The following GABRA2 variants were observed in gnomAD, a reference collection of about 807,000 sequenced individuals.
The protein encoded by GABRA2 is gamma-aminobutyric acid type A receptor subunit alpha2.
A neutral mutation model predicts 48.7 loss-of-function variants in GABRA2; 16 were observed. The ratio of observed to expected loss-of-function variants is 0.33; its 90% CI spans 0.22 to 0.50. The LOEUF (loss-of-function observed/expected upper bound fraction) is 0.50. GABRA2 is among the 20% of genes least tolerant of loss of function. The pLI is 0.98. For synonymous variants in GABRA2, 185 were observed against 184.5 expected, an observed-to-expected ratio of 1.00 and a Z score of -0.02; for missense variants, 275 against 535.6, an observed-to-expected ratio of 0.51 and a Z score of 4.80.
intron 3 of GABRA2, among the ~76,000 whole-genome samples, chr4:46,337,490 A>G (rs1489640361): frequency 6.6e-6 from 1 of 152,146 alleles, no homozygotes; most frequent in East Asian, 1.9e-4. Context: ...CTTTATATAC[A>G]TGGCAGCAGG....
Position 46,244,876 on chromosome 4 carries a change from T to C in GABRA2, c.*5432A>G, listed in dbSNP as rs1050220146. On this transcript the variant is annotated 3_prime_UTR_variant, in exon 10 of 10. Transcript: ENST00000381620. Reference sequence around the variant, plus strand: ...GGTATTGCTTACTGTACAGTACAGTTTTATTGTTGAGTGTTTGCTTTTTAC... The same window carrying C: ...GGTATTGCTTACTGTACAGTACAGTCTTATTGTTGAGTGTTTGCTTTTTAC... Among the ~76,000 whole-genome samples, 1 of 151,276 alleles carries C rather than the reference T, an allele frequency of 6.6e-6. No homozygotes were observed. The highest frequency in any genetic ancestry group is 6.6e-5 in the Admixed American group (1 of 15,126).
At chr4:46,325,412 T>C (rs1730186622) in intron 4 of GABRA2, among the ~76,000 whole-genome samples, 1 of 152,100 alleles carries the variant, frequency 6.6e-6, no homozygotes, top group South Asian at 2.1e-4. Flanking sequence ...ATGTCCTTTT[T>C]CCATGTTTTA....
At chr4:46,292,981 G>A (rs1238126193) in intron 8 of GABRA2, among the ~76,000 whole-genome samples, 1 of 152,138 alleles carries the variant, frequency 6.6e-6, no homozygotes, top group Non-Finnish European at 1.5e-5. Flanking sequence ...GTTGGCAGGG[G>A]TAAAGTAGTG....
In GABRA2 at chr4:46,328,295, T is replaced by TGC. The variant is rs35258090; in HGVS notation, c.255+4318_255+4319dup. ...GAGTGTGTGTGTGTGTGTGTGTGTG[T>TGC]GCGCACACGCATGTGTGTGTGTGTT... On this transcript the variant is annotated intron_variant, in intron 4 of 9. Coordinates refer to ENST00000381620, the MANE Select transcript of GABRA2 (RefSeq NM_000807.4). Among the ~76,000 whole-genome samples, 962 of 140,176 alleles carry TGC rather than the reference T, an allele frequency of 6.9e-3. 9 individuals are homozygous for TGC. Among genetic ancestry groups the TGC allele is most frequent in the African/African-American group, 0.019 (616 of 32,292 alleles). The allele number at this position is 140,176 out of a possible 152,430, so 92.0% of individuals were successfully genotyped here. A position where few individuals can be genotyped will look rare whatever the true frequency, so the allele number is the denominator to read the frequency against.
chr4:46,370,777 T>C (rs1389035104), intron 3 of GABRA2, among the ~76,000 whole-genome samples: 3 of 152,126 alleles, frequency 2.0e-5, no homozygotes, highest in African/African-American at 7.2e-5. Context: ...TTTGCAGCCT[T>C]ATTCTGCTAG....
At chr4:46,276,156 C>A (rs550773805) in intron 8 of GABRA2, among the ~76,000 whole-genome samples, 73 of 152,132 alleles carry the variant, frequency 4.8e-4, no homozygotes, top group African/African-American at 1.7e-3. Flanking sequence ...AAACATGCTT[C>A]ATATATTCAA....
Position 46,337,207 on chromosome 4 carries a change from A to G in GABRA2, c.188-4525T>C, listed in dbSNP as rs1316039174. ...GCTGCAACCAAACCAAAAAGACAGT[A>G]TCTCAATGCCCATAGAAGCATATTG... On this transcript the variant is annotated intron_variant, in intron 3 of 9. Transcript: ENST00000381620. Among the ~76,000 whole-genome samples, 3 of 152,150 alleles carry G rather than the reference A, an allele frequency of 2.0e-5. No homozygotes were observed. In the East Asian group the frequency reaches 5.8e-4, roughly 29 times the overall value.
At chr4:46,283,133 A>G (rs1457897283) in intron 8 of GABRA2, among the ~76,000 whole-genome samples, 1 of 152,210 alleles carries the variant, frequency 6.6e-6, no homozygotes, top group Non-Finnish European at 1.5e-5. Flanking sequence ...CCGTGAGAGT[A>G]GAAAACTGAA....
chr4:46,339,819 A>G (rs368315325), intron 3 of GABRA2, among the ~76,000 whole-genome samples: 2 of 151,838 alleles, frequency 1.3e-5, no homozygotes, highest in South Asian at 4.1e-4. Flanking sequence ...TACTTCTTTG[A>G]TGATTTATTT....
At chr4:46,367,630 A>G (rs1714248447) in intron 3 of GABRA2, 1 of 152,176 alleles carries the variant, frequency 6.6e-6, no homozygotes, top group African/African-American at 2.4e-5. Flanking sequence ...AAAGTTGACT[A>G]TATCCAAAAA....
intron 3 of GABRA2, among the ~76,000 whole-genome samples, chr4:46,351,530 G>T (rs2109910158): frequency 6.6e-6 from 1 of 151,944 alleles, no homozygotes; most frequent in Admixed American, 6.6e-5. Context: ...ACCTTTTCCA[G>T]ACAATAAAAT....
chr4:46,280,740 G>A (rs776091979), intron 8 of GABRA2, among the ~76,000 whole-genome samples: 2 of 152,100 alleles, frequency 1.3e-5, no homozygotes, highest in Non-Finnish European at 2.9e-5. Context: ...TCTAGAGATG[G>A]ATCCTTTAGG....
At position 46,250,208 on chromosome 4, in the gene GABRA2, A is replaced by C. The variant is rs1261468555; in HGVS notation, c.*100T>G. The C allele has an allele frequency of 4.1e-6, 4 of 967,840 alleles. No homozygotes were observed. In the East Asian group the frequency reaches 7.2e-5, roughly 17 times the overall value. 60.0% of individuals were successfully genotyped at this position (967,840 alleles called of 1,614,324 possible). A position where few individuals can be genotyped will look rare whatever the true frequency, so the allele number is the denominator to read the frequency against. ...CTATGTCACTATATACATACTGTAC[A>C]TGTTGGATCACAAATTAGCAGTTAT... On this transcript the variant is annotated 3_prime_UTR_variant, in exon 10 of 10. Transcript: ENST00000381620.
chr4:46,315,827 C>T lies in GABRA2; in HGVS notation c.256-3111G>A, dbSNP rs567780952. ...TGTCATCACAAATCTTATTGAAGCC[C>T]TTCCTCTTCTGTTTATCCCTTCTCA... On this transcript the variant is annotated intron_variant, in intron 4 of 9. Transcript: ENST00000381620. Among the ~76,000 whole-genome samples, 3 of 151,810 alleles carry T rather than the reference C, an allele frequency of 2.0e-5. No homozygotes were observed. The South Asian group carries it at 6.2e-4, about 31-fold the overall frequency.
chr4:46,369,233 A>G (rs1023711739), intron 3 of GABRA2, among the ~76,000 whole-genome samples: 3 of 152,128 alleles, frequency 2.0e-5, no homozygotes, highest in African/African-American at 7.2e-5. Context: ...CCCTGTAATC[A>G]GGGAAGCTAT....
chr4:46,302,502 C>G (rs1725920802), intron 8 of GABRA2: 1 of 152,100 alleles, frequency 6.6e-6, no homozygotes, highest in Non-Finnish European at 1.5e-5. Flanking sequence ...ATCAAACACT[C>G]TAGTAAAAGT....
chr4:46,377,199 G>A lies in GABRA2; in HGVS notation c.187+8875C>T, dbSNP rs550855523. Among the ~76,000 whole-genome samples the A allele has an allele frequency of 1.7e-4, 24 of 144,276 alleles. No individual in the cohort carries two copies. In the South Asian group the frequency reaches 3.7e-3, roughly 22 times the overall value. The allele number at this position is 144,276 out of a possible 152,430, so 94.7% of individuals were successfully genotyped here. ...GAGCGTCTCTGCCCGGCCGCCCATC[G>A]TCTGGGATGTGAGGAGCCCCTCTTC... is the stretch of plus-strand genomic sequence containing the variant. On this transcript the variant is annotated intron_variant, in intron 3 of 9. Transcript: ENST00000381620.
chr4:46,336,568 G>A (rs1732268675), intron 3 of GABRA2, among the ~76,000 whole-genome samples: 1 of 152,136 alleles, frequency 6.6e-6, no homozygotes, highest in African/African-American at 2.4e-5. Flanking sequence ...AAAAGTAAGA[G>A]GATGTTCTGT....
chr4:46,330,591 T>TATATATATATATATATATATATAGAGAG (rs1411755120), intron 4 of GABRA2, among the ~76,000 whole-genome samples: 1 of 122,690 alleles, frequency 8.2e-6, no homozygotes, highest in Non-Finnish European at 1.7e-5. Context: ...TATATATATA[T>TATATATATATATATATATATATAGAGAG]AGAGAGAGAG....
Sources: allele counts gnomAD v4.1 joint callset (sites outside exome capture counted in the v4.1 genomes callset), GRCh38; gene constraint gnomAD v4.1.1; transcripts MANE v1.5; gene names NCBI Gene and HGNC (gene_info 2026-07-23, HGNC 2026-07-21).